TMEM114: variants seen among roughly 807,000 people sequenced by gnomAD.
TMEM114 encodes the protein transmembrane protein 114.
A neutral mutation model predicts 6.2 loss-of-function variants in TMEM114; 6 were observed. The observed-to-expected ratio is 0.97, with a 90% CI of 0.53 to 1.91. TMEM114 has a LOEUF of 1.91. Ranked by LOEUF, TMEM114 falls within the 40% of genes most tolerant of loss-of-function variation. TMEM114 has a pLI of 0.01. For missense variants in TMEM114, 218 were observed against 158.3 expected (o/e 1.38, Z -2.02); for synonymous variants, 104 against 73.0 (o/e 1.42, Z -2.16).
chr16:8,539,556 A>G (rs1201546269), intron 2 of TMEM114, among the ~76,000 whole-genome samples: 1 of 152,070 alleles, frequency 6.6e-6, no homozygotes, highest in African/African-American at 2.4e-5. Flanking sequence ...CAATTCCCTT[A>G]TCCAAGGAAA....
At chr16:8,575,085 A>G (rs1901873713) in intron 2 of TMEM114, among the ~76,000 whole-genome samples, 1 of 152,160 alleles carries the variant, frequency 6.6e-6, no homozygotes, top group Admixed American at 6.5e-5. Flanking sequence ...ATCATCACCA[A>G]TTTTGTGGGG....
chr16:8,580,955 G>C (rs927026856), intron 2 of TMEM114, among the ~76,000 whole-genome samples: 2 of 152,220 alleles, frequency 1.3e-5, no homozygotes, highest in African/African-American at 4.8e-5. Flanking sequence ...GCCTCCCAAA[G>C]TGCTGGGATT....
intron 2 of TMEM114, among the ~76,000 whole-genome samples, chr16:8,562,962 G>C: frequency 1.0e-5 from 1 of 99,954 alleles, no homozygotes; most frequent in South Asian, 3.1e-4. Flanking sequence ...GTGAGTGAAT[G>C]AGTGAGAGAG....
intron 1 of TMEM114, 56 bp from the exon 2 acceptor site, chr16:8,589,349 C>A: frequency 5.0e-6 from 2 of 398,856 alleles, no homozygotes; most frequent in South Asian, 1.3e-4. Flanking sequence ...GTGCAGCACC[C>A]TCGTCTGCGG....
At chr16:8,542,932 T>C (rs1242683751) in intron 2 of TMEM114, among the ~76,000 whole-genome samples, 6 of 152,200 alleles carry the variant, frequency 3.9e-5, no homozygotes, top group Non-Finnish European at 8.8e-5. Flanking sequence ...CTGCCGCTTA[T>C]CATCTCCTAT....
At chr16:8,540,625 A>T (rs1255373536) in intron 2 of TMEM114, among the ~76,000 whole-genome samples, 1 of 147,078 alleles carries the variant, frequency 6.8e-6, no homozygotes, top group Non-Finnish European at 1.5e-5. Context: ...AATTCAATTC[A>T]TTCACTGAAC....
intron 2 of TMEM114, among the ~76,000 whole-genome samples, chr16:8,564,430 TGAGG>T (rs1356427787): frequency 3.4e-5 from 5 of 146,682 alleles, no homozygotes; most frequent in Non-Finnish European, 6.0e-5. Context: ...AATGAGTGAG[TGAGG>T]GAGGGAGGGA....
At chr16:8,546,290 T>A (rs1900662748) in intron 2 of TMEM114, among the ~76,000 whole-genome samples, 2 of 152,216 alleles carry the variant, frequency 1.3e-5, no homozygotes, top group Non-Finnish European at 2.9e-5. Context: ...TCAACACATA[T>A]AATTTGCATT....
chr16:8,577,579 T>A (rs531071036), intron 2 of TMEM114, among the ~76,000 whole-genome samples: 1 of 149,722 alleles, frequency 6.7e-6, no homozygotes, highest in South Asian at 2.1e-4. Context: ...TTGATTTTGT[T>A]TTTTGTTTTT....
Position 8,569,501 on chromosome 16 carries a change from G to T in TMEM114, c.*272C>A. 2.2e-6 allele frequency: 3 copies of T among 1,366,062 alleles called. No individual in the cohort carries two copies. In the South Asian group the frequency reaches 5.1e-5, roughly 23 times the overall value. The allele number at this position is 1,366,062 out of a possible 1,614,324, so 84.6% of individuals were successfully genotyped here. On this transcript the variant is annotated 3_prime_UTR_variant, in exon 4 of 4. Coordinates refer to ENST00000620492, the MANE Select transcript of TMEM114 (RefSeq NM_001146336.2). ...CTTTGCAATCTGTAAAGCTCTGTGT[G>T]TGATTAAAGGATCGTTTTTATTTCT...
intron 2 of TMEM114, among the ~76,000 whole-genome samples, chr16:8,562,630 GAATCAGTC>G (rs1445050154): frequency 3.3e-5 from 5 of 151,752 alleles, no homozygotes; most frequent in East Asian, 3.9e-4. Context: ...GTGAGTGAAT[GAATCAGTC>G]AGTAAGTGAA....
rs528709610 is a variant in TMEM114, at chr16:8,562,968, G to A, written n.213-25142C>T. Among the ~76,000 whole-genome samples the A allele has an allele frequency of 4.5e-3, 296 of 66,296 alleles. 13 individuals are homozygous for A. Among genetic ancestry groups the A allele is most frequent in the African/African-American group, 0.012 (262 of 21,326 alleles). The allele number at this position is 66,296 out of a possible 152,430, so 43.5% of individuals were successfully genotyped here. A position where few individuals can be genotyped will look rare whatever the true frequency, so the allele number is the denominator to read the frequency against. Reference sequence around the variant, plus strand: ...AGTAAATGAGTGAGTGAATGAGTGAGAGAGTGATGGAGGGAAGGAGTGAGT... The same window carrying A: ...AGTAAATGAGTGAGTGAATGAGTGAAAGAGTGATGGAGGGAAGGAGTGAGT... On this transcript the variant is annotated intron_variant and non_coding_transcript_variant, in intron 2 of 2. Coordinates refer to the TMEM114 transcript ENST00000623677.
chr16:8,557,540 A>ATC (rs1378724259), intron 2 of TMEM114, among the ~76,000 whole-genome samples: 1 of 152,214 alleles, frequency 6.6e-6, no homozygotes, highest in African/African-American at 2.4e-5. Context: ...GACCACAAGC[A>ATC]ATATACAAGG....
chr16:8,583,173 C>T (rs1448253603), intron 2 of TMEM114, among the ~76,000 whole-genome samples: 2 of 152,128 alleles, frequency 1.3e-5, no homozygotes, highest in East Asian at 3.9e-4. Context: ...CAGCACACAG[C>T]AACTGTCTCA....
chr16:8,530,472 T>C, the TMEM114 span, among the ~76,000 whole-genome samples: 1 of 151,700 alleles, frequency 6.6e-6, no homozygotes, highest in Non-Finnish European at 1.5e-5. Flanking sequence ...CTGGGAAGCA[T>C]AGGAGCAATA....
chr16:8,580,496 A>G (rs1161787758), intron 2 of TMEM114, among the ~76,000 whole-genome samples: 1 of 134,968 alleles, frequency 7.4e-6, no homozygotes, highest in East Asian at 2.1e-4. Flanking sequence ...CAAAAGAGGT[A>G]AAAAAAAAAA....
chr16:8,548,186 T>C (rs1429068215), intron 2 of TMEM114, among the ~76,000 whole-genome samples: 1 of 152,196 alleles, frequency 6.6e-6, no homozygotes, highest in Non-Finnish European at 1.5e-5. Flanking sequence ...GGACCCTGAC[T>C]GAGCAAGGGG....
In TMEM114 at chr16:8,575,971, C is replaced by G. The variant is rs181956188; in HGVS notation, c.302-3747G>C. ...CCTGTGATGGAGAGAAAGAAAGAAACAGTTTCCAGCTTCTGGGAACTGGCA... is the reference window on the plus strand; with the variant it reads ...CCTGTGATGGAGAGAAAGAAAGAAAGAGTTTCCAGCTTCTGGGAACTGGCA... On this transcript the variant is annotated intron_variant, in intron 2 of 3. Coordinates refer to ENST00000620492, the MANE Select transcript of TMEM114 (RefSeq NM_001146336.2). 4.2e-4 allele frequency among the ~76,000 whole-genome samples: 64 copies of G among 152,302 alleles called. 1 individual carries two copies. The highest frequency in any genetic ancestry group is 3.9e-3 in the Admixed American group (60 of 15,292).
chr16:8,541,006 A>G (rs1441031450), intron 2 of TMEM114, among the ~76,000 whole-genome samples: 2 of 152,158 alleles, frequency 1.3e-5, no homozygotes, highest in Non-Finnish European at 2.9e-5. Flanking sequence ...GTTGCCAGAG[A>G]GAGACTACAA....
Sources: allele counts gnomAD v4.1 joint callset (sites outside exome capture counted in the v4.1 genomes callset), GRCh38; gene constraint gnomAD v4.1.1; transcripts MANE v1.5; gene names NCBI Gene and HGNC (gene_info 2026-07-23, HGNC 2026-07-21).